The following SGCD variants were observed in gnomAD, a reference collection of about 807,000 sequenced individuals.
The protein encoded by SGCD is sarcoglycan delta.
In SGCD, 18 loss-of-function variants were observed where a neutral mutation model predicts 36.6. The ratio of observed to expected loss-of-function variants is 0.49; its 90% CI spans 0.34 to 0.73. The LOEUF (loss-of-function observed/expected upper bound fraction) is 0.73. Ranked by LOEUF, SGCD falls within the 30% of genes least tolerant of loss-of-function variation. SGCD has a pLI of 0.01. For synonymous variants in SGCD, 133 were observed against 130.6 expected (o/e 1.02, Z -0.12); for missense variants, 387 against 346.7 (o/e 1.12, Z -0.92).
intron 3 of SGCD, among the ~76,000 whole-genome samples, chr5:156,420,946 C>T (rs929062795): frequency 6.6e-6 from 1 of 152,050 alleles, no homozygotes; most frequent in African/African-American, 2.4e-5. Context: ...TAGACTGGGG[C>T]TTTCAATTCA....
chr5:155,890,259 G>A (rs1378508421), intron 1 of SGCD, among the ~76,000 whole-genome samples: 2 of 152,100 alleles, frequency 1.3e-5, no homozygotes, highest in African/African-American at 4.8e-5. Context: ...TTGGATATAG[G>A]AAACTCATTA....
At chr5:156,408,240 A>G (rs1211390256) in intron 3 of SGCD, among the ~76,000 whole-genome samples, 1 of 152,232 alleles carries the variant, frequency 6.6e-6, no homozygotes, top group Non-Finnish European at 1.5e-5. Context: ...TCCAGTAACA[A>G]CAAAATGAGG....
At chr5:156,460,461 G>A (rs901081621) in intron 3 of SGCD, among the ~76,000 whole-genome samples, 3 of 152,150 alleles carry the variant, frequency 2.0e-5, no homozygotes, top group East Asian at 1.9e-4. Context: ...ATTCATAAAG[G>A]AAATGGGATT....
the SGCD span, among the ~76,000 whole-genome samples, chr5:155,761,668 CCAT>C: frequency 4.8e-5 from 7 of 146,978 alleles, no homozygotes; most frequent in African/African-American, 8.0e-5. Context: ...ATCACTCTCT[CCAT>C]CATCATCTCC....
chr5:156,744,425 A>G (rs2113105759), intron 7 of SGCD, among the ~76,000 whole-genome samples: 1 of 152,292 alleles, frequency 6.6e-6, no homozygotes, highest in South Asian at 2.1e-4. Flanking sequence ...ATTTTCTTCT[A>G]GCTTCTCCAA....
chr5:156,612,006 T>C (rs1478764125), intron 6 of SGCD, among the ~76,000 whole-genome samples: 2 of 152,238 alleles, frequency 1.3e-5, no homozygotes, highest in Non-Finnish European at 2.9e-5. Context: ...TGGTCTGTAT[T>C]TTCTTGTAGC....
chr5:156,123,824 A>T (rs1208633710), intron 2 of SGCD: 1 of 151,966 alleles, frequency 6.6e-6, no homozygotes, highest in Non-Finnish European at 1.5e-5. Context: ...GTTTTTCTTT[A>T]TGGACATTGT....
At chr5:155,815,766 C>G in the SGCD span, among the ~76,000 whole-genome samples, 6 of 152,124 alleles carry the variant, frequency 3.9e-5, no homozygotes, top group Non-Finnish European at 7.4e-5. Context: ...GGGAAGACTG[C>G]CCCCATGATC....
chr5:156,619,451 T>C (rs747457256), intron 6 of SGCD, among the ~76,000 whole-genome samples: 4 of 152,222 alleles, frequency 2.6e-5, no homozygotes, highest in Non-Finnish European at 5.9e-5. Context: ...TGTTGGCCTG[T>C]TTTTATTGTC....
At chr5:156,193,252 G>T (rs1266085807) in intron 3 of SGCD, among the ~76,000 whole-genome samples, 1 of 152,072 alleles carries the variant, frequency 6.6e-6, no homozygotes. Context: ...AGTCACTGTT[G>T]TTCCGACCCT....
chr5:156,262,923 G>A (rs893920202), intron 3 of SGCD, among the ~76,000 whole-genome samples: 1 of 145,608 alleles, frequency 6.9e-6, no homozygotes, highest in Non-Finnish European at 1.5e-5. Flanking sequence ...GTGTGTGTGT[G>A]TATACATATA....
At chr5:156,068,612 A>G (rs1266010448) in intron 1 of SGCD, among the ~76,000 whole-genome samples, 1 of 151,738 alleles carries the variant, frequency 6.6e-6, no homozygotes, top group Non-Finnish European at 1.5e-5. Flanking sequence ...TAGCAGCATG[A>G]TTTATAGTCC....
At chr5:155,751,265 C>T in the SGCD span, among the ~76,000 whole-genome samples, 1 of 152,142 alleles carries the variant, frequency 6.6e-6, no homozygotes, top group South Asian at 2.1e-4. Flanking sequence ...TTGAGTTTGA[C>T]AAGTTATCAA....
intron 3 of SGCD, among the ~76,000 whole-genome samples, chr5:156,169,271 C>T (rs903030036): frequency 1.3e-5 from 2 of 152,208 alleles, no homozygotes; most frequent in African/African-American, 4.8e-5. Context: ...CAGGCCTCCT[C>T]TTGGGCCCCG....
rs1025209568 is a variant in SGCD at position 156,110,131 on chromosome 5, G to A, written c.-281-7747G>A. On this transcript the variant is annotated intron_variant, in intron 1 of 9. Transcript: ENST00000517913. ...AAGCAGCACAGTGCTGTGGTTACAA[G>A]TGTGGACTCCAGAGCCAAGCCTCCT... 2.6e-5 allele frequency among the ~76,000 whole-genome samples: 4 copies of A among 152,162 alleles called. No homozygotes were observed. The East Asian group carries it at 7.7e-4, about 29-fold the overall frequency.
chr5:155,790,117 A>C, the SGCD span, among the ~76,000 whole-genome samples: 1 of 152,082 alleles, frequency 6.6e-6, no homozygotes, highest in Admixed American at 6.6e-5. Context: ...GTACAATTCA[A>C]ATGCTGAAAC....
At chr5:156,553,486 A>G (rs1296203970) in intron 4 of SGCD, among the ~76,000 whole-genome samples, 1 of 152,026 alleles carries the variant, frequency 6.6e-6, no homozygotes, top group Non-Finnish European at 1.5e-5. Flanking sequence ...CATAAAATTC[A>G]CCTTTGAGAA....
chr5:156,461,157 G>A (rs2127817365), intron 3 of SGCD, among the ~76,000 whole-genome samples: 2 of 152,176 alleles, frequency 1.3e-5, no homozygotes, highest in South Asian at 4.1e-4. Flanking sequence ...ATTTCTTACA[G>A]CAACTCTTCC....
chr5:156,439,775 A>G (rs1753404465), intron 3 of SGCD, among the ~76,000 whole-genome samples: 1 of 152,174 alleles, frequency 6.6e-6, no homozygotes, highest in Admixed American at 6.5e-5. Flanking sequence ...GTGAGAGCTC[A>G]CTGTGCAGGA....
Sources: allele counts gnomAD v4.1 joint callset (sites outside exome capture counted in the v4.1 genomes callset), GRCh38; gene constraint gnomAD v4.1.1; transcripts MANE v1.5; gene names NCBI Gene and HGNC (gene_info 2026-07-23, HGNC 2026-07-21).